The following LMBRD2 variants were observed in gnomAD, a reference collection of about 807,000 sequenced individuals.
The protein encoded by LMBRD2 is LMBR1 domain containing 2, also known as G protein-coupled receptor-associated protein LMBRD2.
Under a neutral mutation model 94.4 loss-of-function variants are expected in LMBRD2, and 55 were observed. That is an observed-to-expected ratio of 0.58 (90% CI 0.47 to 0.73). The LOEUF is 0.73. Among genes scored for constraint, LMBRD2 ranks in the 30% least tolerant of loss-of-function variants. LMBRD2 has a pLI of 0.00. For missense variants in LMBRD2, 640 were observed against 831.9 expected (o/e 0.77, Z 2.84); for synonymous variants, 246 against 272.4 (o/e 0.90, Z 0.95).
At chr5:36,128,371 G>A (rs573801450) in intron 6 of LMBRD2, among the ~76,000 whole-genome samples, 3 of 152,142 alleles carry the variant, frequency 2.0e-5, no homozygotes, top group East Asian at 3.9e-4. Context: ...AGACACCGAC[G>A]AACATCCACA....
chr5:36,130,879 C>G (rs546166941), intron 6 of LMBRD2, among the ~76,000 whole-genome samples: 1 of 152,088 alleles, frequency 6.6e-6, no homozygotes, highest in Non-Finnish European at 1.5e-5. Flanking sequence ...GCCCAGGACC[C>G]AATGGCTTCA....
intron 1 of LMBRD2, among the ~76,000 whole-genome samples, chr5:36,148,156 G>A (rs3898058): frequency 0.24 from 35,925 of 150,200 alleles, 5,306 homozygotes; most frequent in Non-Finnish European, 0.32. Flanking sequence ...AAACATAATC[G>A]TTATTCACAT....
rs996916634 is a variant in LMBRD2 at position 36,098,728 on chromosome 5, T to G, written c.*5318A>C. ...AACCAAACTGAGCGAACACTATGCA[T>G]AGATAAGGCCAAAGTTACTAATTTG... On this transcript the variant is annotated 3_prime_UTR_variant, in exon 18 of 18. Coordinates refer to ENST00000296603, the MANE Select transcript of LMBRD2 (RefSeq NM_001007527.2). 6.6e-6 allele frequency: 1 copy of G among 152,098 alleles called. No individual in the cohort carries two copies. The highest frequency in any genetic ancestry group is 2.4e-5 in the African/African-American group (1 of 41,460). The allele number at this position is 152,098 out of a possible 1,614,324, so 9.4% of individuals were successfully genotyped here.
At position 36,110,102 on chromosome 5, in the gene LMBRD2, A is replaced by C. The variant is rs554053337; in HGVS notation, c.1745-111T>G. 5.0e-6 allele frequency: 4 copies of C among 800,698 alleles called. No homozygotes were observed. The East Asian group carries it at 7.6e-5, about 15-fold the overall frequency. 49.6% of individuals were successfully genotyped at this position (800,698 alleles called of 1,614,324 possible). A position where few individuals can be genotyped will look rare whatever the true frequency, so the allele number is the denominator to read the frequency against. On this transcript the variant is annotated intron_variant, in intron 14 of 17. Coordinates refer to ENST00000296603, the MANE Select transcript of LMBRD2 (RefSeq NM_001007527.2). ...CCAGTATTTCTTTTAAATTATCACAAAATCAAATGTTATAGGTTATTGCTG... is the reference window on the plus strand; with the variant it reads ...CCAGTATTTCTTTTAAATTATCACACAATCAAATGTTATAGGTTATTGCTG...
chr5:36,132,988 C>T (rs1024694046), intron 6 of LMBRD2, among the ~76,000 whole-genome samples: 1 of 146,988 alleles, frequency 6.8e-6, no homozygotes, highest in African/African-American at 2.6e-5. Flanking sequence ...AGTTTGGAGG[C>T]CCCTCAAAAA....
chr5:36,098,801 G>A lies in LMBRD2; in HGVS notation c.*5245C>T, dbSNP rs1743292958. 6.6e-6 allele frequency: 1 copy of A among 151,720 alleles called. No homozygotes were observed. Among genetic ancestry groups the A allele is most frequent in the Non-Finnish European group, 1.5e-5 (1 of 67,926 alleles). 9.4% of individuals were successfully genotyped at this position (151,720 alleles called of 1,614,324 possible). ...TTTTTCCAAGTACATATTTGAAAAT[G>A]TAGTGAGAATCTACAGAGAAAAAAA... On this transcript the variant is annotated 3_prime_UTR_variant, in exon 18 of 18. Coordinates refer to ENST00000296603, the MANE Select transcript of LMBRD2 (RefSeq NM_001007527.2).
At position 36,111,228 on chromosome 5, in the gene LMBRD2, A is replaced by T; in HGVS notation, c.1671T>A (p.Gly557=). 6.2e-7 allele frequency: 1 copy of T among 1,612,000 alleles called. No homozygotes were observed. The highest frequency in any genetic ancestry group is 8.5e-7 in the Non-Finnish European group (1 of 1,178,686). ...CATCATCTCCCATAAACTGCTGGAA[A>T]CCGAGCAGATTCAAACAACGGGTTC... ...SLGTRCLNLL[G]FQQFMGDDDM... is the part of the protein sequence containing the mutation. Residue 557 remains glycine, a synonymous_variant, in exon 14 of 18, where the codon GGT becomes GGA. Coordinates refer to ENST00000296603, the MANE Select transcript of LMBRD2 (RefSeq NM_001007527.2).
Position 36,100,781 on chromosome 5 carries a change from A to AT in LMBRD2, c.*3264dup, listed in dbSNP as rs1227888696. The AT allele has an allele frequency of 1.3e-5, 2 of 152,044 alleles. No homozygotes were observed. The highest frequency in any genetic ancestry group is 2.4e-5 in the African/African-American group (1 of 41,434). The allele number at this position is 152,044 out of a possible 1,614,324, so 9.4% of individuals were successfully genotyped here. A position where few individuals can be genotyped will look rare whatever the true frequency, so the allele number is the denominator to read the frequency against. ...AGGTGAATTATAATATGGAGAGTTT[A>AT]TTTTTTCTCTAATATGGTAATCAGC... is the stretch of plus-strand genomic sequence containing the variant. On this transcript the variant is annotated 3_prime_UTR_variant, in exon 18 of 18. Transcript: ENST00000296603.
At position 36,108,535 on chromosome 5, in the gene LMBRD2, AC is replaced by A. The variant is rs1460471411; in HGVS notation, c.1895del (p.Arg632LeufsTer18). 6.6e-7 allele frequency: 1 copy of A among 1,510,608 alleles called. No homozygotes were observed. The highest frequency in any genetic ancestry group is 9.1e-7 in the Non-Finnish European group (1 of 1,101,668). The allele number at this position is 1,510,608 out of a possible 1,614,324, so 93.6% of individuals were successfully genotyped here. On this transcript the variant is annotated frameshift_variant and splice_region_variant, in exon 16 of 18. Coordinates refer to ENST00000296603, the MANE Select transcript of LMBRD2 (RefSeq NM_001007527.2). LOFTEE classifies it high-confidence loss of function. ...ESNFSDVNTN[R>X]SAFKYTRANN... ...TGAACTAGAAGATAAACTACTTACA[AC>A]GGTTGGTATTAACATCTGAGAAGTT...
chr5:36,115,712 A>G (rs1278213990), intron 11 of LMBRD2, among the ~76,000 whole-genome samples: 2 of 145,702 alleles, frequency 1.4e-5, no homozygotes, highest in Non-Finnish European at 2.9e-5. Flanking sequence ...GGCTACAGGA[A>G]TCTACACACA....
chr5:36,118,836 G>C (rs1200935668), intron 9 of LMBRD2, among the ~76,000 whole-genome samples: 3 of 151,696 alleles, frequency 2.0e-5, no homozygotes, highest in African/African-American at 2.4e-5. Flanking sequence ...ATTTTTATTA[G>C]ACACGTGCCA....
chr5:36,121,044 G>A (rs1045070755), intron 9 of LMBRD2, among the ~76,000 whole-genome samples: 3 of 151,890 alleles, frequency 2.0e-5, no homozygotes, highest in Admixed American at 6.6e-5. Flanking sequence ...CACATTGATG[G>A]TACCCTAATT....
At chr5:36,124,096 C>G in intron 7 of LMBRD2, 95 bp downstream of exon 7, 2 of 617,976 alleles carry the variant, frequency 3.2e-6, no homozygotes, top group Non-Finnish European at 5.4e-6. Flanking sequence ...TAGAAGACCT[C>G]AGCTATAGGC....
chr5:36,139,788 A>T (rs563802082), intron 4 of LMBRD2, among the ~76,000 whole-genome samples: 1 of 152,238 alleles, frequency 6.6e-6, no homozygotes, highest in East Asian at 1.9e-4. Context: ...TGTCAGGACA[A>T]CCTGCCTGCA....
chr5:36,107,136 A>C (rs1466046958), intron 16 of LMBRD2, among the ~76,000 whole-genome samples: 1 of 152,214 alleles, frequency 6.6e-6, no homozygotes, highest in Non-Finnish European at 1.5e-5. Flanking sequence ...CTGTCATGAG[A>C]AATCTACAAT....
At chr5:36,127,625 G>A (rs1343885350) in intron 6 of LMBRD2, among the ~76,000 whole-genome samples, 2 of 152,212 alleles carry the variant, frequency 1.3e-5, no homozygotes, top group African/African-American at 4.8e-5. Context: ...TGGAGGTAAT[G>A]AGGATATACT....
chr5:36,143,481 A>G (rs114208764), intron 1 of LMBRD2, 75 bp from the exon 2 acceptor site: 6,521 of 588,496 alleles, frequency 0.011, 56 homozygotes, highest in Non-Finnish European at 0.016. Context: ...CTGAATATTT[A>G]TTAGTACATT....
In LMBRD2 at chr5:36,103,797, TCCA is replaced by T; in HGVS notation, c.*246_*248del. ...ATATGTTGATCTTTCTTAAAGTCCT[TCCA>T]CTGTAACTGTATTTCTAAGGCAGAT... On this transcript the variant is annotated 3_prime_UTR_variant, in exon 18 of 18. Transcript: ENST00000296603. 1 of 283,528 alleles carries T rather than the reference TCCA, an allele frequency of 3.5e-6. No individual in the cohort carries two copies. Among genetic ancestry groups the T allele is most frequent in the East Asian group, 6.4e-5 (1 of 15,580 alleles). The allele number at this position is 283,528 out of a possible 1,614,324, so 17.6% of individuals were successfully genotyped here.
intron 1 of LMBRD2, 70 bp from the exon 2 acceptor site, chr5:36,143,476 T>C (rs993068770): frequency 1.8e-5 from 11 of 603,092 alleles, no homozygotes; most frequent in Non-Finnish European, 3.1e-5. Context: ...TTCATCTGAA[T>C]ATTTATTAGT....
Sources: gnomAD v4.1 joint callset for allele counts (sites outside exome capture counted in the v4.1 genomes callset) on GRCh38, gnomAD v4.1.1 for gene constraint, MANE v1.5 for transcripts, NCBI Gene and HGNC (gene_info 2026-07-23, HGNC 2026-07-21) for gene names.